PARVB: variants seen among roughly 807,000 people sequenced by gnomAD.
The protein encoded by PARVB is beta-parvin.
PARVB carries 46 observed loss-of-function variants against 47.0 expected under a neutral mutation model. That is an observed-to-expected ratio of 0.98 (90% CI 0.77 to 1.25). The LOEUF (loss-of-function observed/expected upper bound fraction) is 1.25, where lower values mean the gene tolerates loss of function less well. Ranked by LOEUF, PARVB falls within the 50% of genes most tolerant of loss-of-function variation. The probability of loss-of-function intolerance (pLI) is 0.00; values close to 1 mark genes in which losing one functional copy is unlikely to be tolerated. For missense variants in PARVB, 473 were observed against 471.6 expected (o/e 1.00, Z -0.03); for synonymous variants, 196 against 196.3 (o/e 1.00, Z 0.01).
intron 1 of PARVB, among the ~76,000 whole-genome samples, chr22:44,093,292 G>A (rs955215249): frequency 5.9e-5 from 9 of 152,190 alleles, no homozygotes; most frequent in Non-Finnish European, 1.0e-4. Flanking sequence ...ATCACTGGGC[G>A]TTCCAGATCC....
At chr22:44,071,943 C>T (rs1404275663) in intron 1 of PARVB, among the ~76,000 whole-genome samples, 3 of 152,236 alleles carry the variant, frequency 2.0e-5, no homozygotes, top group Non-Finnish European at 1.5e-5. Context: ...GCGGCCTCTT[C>T]TGCGTCTCTG....
chr22:44,104,283 C>G (rs915092002), intron 3 of PARVB: 1 of 152,204 alleles, frequency 6.6e-6, no homozygotes, highest in Non-Finnish European at 1.5e-5. Context: ...TCAAAGCAGG[C>G]TGGCAGACAT....
intron 1 of PARVB, among the ~76,000 whole-genome samples, chr22:44,090,778 C>T (rs975790488): frequency 3.9e-5 from 6 of 152,230 alleles, no homozygotes; most frequent in African/African-American, 1.2e-4. Context: ...CTGTGCTGGA[C>T]GGGACCTCCC....
intron 1 of PARVB, chr22:44,039,718 A>C (rs1427752254): frequency 2.6e-6 from 1 of 384,454 alleles, no homozygotes; most frequent in Non-Finnish European, 5.3e-6. Flanking sequence ...AGTGTCAAGG[A>C]ACAAGGTGCC....
intron 1 of PARVB, among the ~76,000 whole-genome samples, chr22:44,050,490 C>G (rs567811914): frequency 6.8e-4 from 104 of 152,186 alleles, no homozygotes; most frequent in African/African-American, 2.2e-3. Flanking sequence ...ATTACAGGTG[C>G]CTGCCACCAT....
At chr22:44,157,405 T>A (rs1017116782) in intron 10 of PARVB, among the ~76,000 whole-genome samples, 5 of 152,222 alleles carry the variant, frequency 3.3e-5, no homozygotes, top group Admixed American at 2.0e-4. Flanking sequence ...GCCAGGCAGC[T>A]GCACTCAGCT....
chr22:44,002,001 A>G (rs1169808571), intron 2 of PARVB, among the ~76,000 whole-genome samples: 1 of 88,756 alleles, frequency 1.1e-5, no homozygotes, highest in African/African-American at 6.3e-5. Flanking sequence ...CGAAACTGGC[A>G]TTTGTGTTTC....
intron 1 of PARVB, 47 bp from the exon 2 acceptor site, chr22:44,093,881 G>A (rs768033921): frequency 1.6e-6 from 2 of 1,238,116 alleles, no homozygotes; most frequent in Non-Finnish European, 2.3e-6. Flanking sequence ...TGAGGCCACG[G>A]CACTCCGTGT....
chr22:44,128,703 A>T (rs1366713593), intron 4 of PARVB, among the ~76,000 whole-genome samples: 1 of 152,192 alleles, frequency 6.6e-6, no homozygotes, highest in Non-Finnish European at 1.5e-5. Flanking sequence ...ACTAGGAGAG[A>T]TGGGTAGCCT....
At chr22:44,147,432 C>T (rs1428732738) in intron 8 of PARVB, 4 of 347,858 alleles carry the variant, frequency 1.1e-5, no homozygotes, top group Admixed American at 3.8e-5. Flanking sequence ...GGCAGTGAGG[C>T]GTGAGCAGGA....
At position 44,171,303 on chromosome 22, in the gene PARVB, C is replaced by T. The variant is rs1183485986; in HGVS notation, c.*2625C>T. ...TTGGGGTCAGAAGTTCGAGACCAGC[C>T]TGGCCAACATGGTGAAACCCCATGT... On this transcript the variant is annotated 3_prime_UTR_variant, in exon 13 of 13. Coordinates refer to ENST00000338758, the MANE Select transcript of PARVB (RefSeq NM_013327.5). The T allele has an allele frequency of 6.6e-6, 1 of 152,150 alleles. No individual in the cohort carries two copies. Among genetic ancestry groups the T allele is most frequent in the East Asian group, 1.9e-4 (1 of 5,182 alleles). 9.4% of individuals were successfully genotyped at this position (152,150 alleles called of 1,614,324 possible).
At chr22:44,063,855 T>C (rs1411863312) in intron 1 of PARVB, among the ~76,000 whole-genome samples, 1 of 152,142 alleles carries the variant, frequency 6.6e-6, no homozygotes, top group African/African-American at 2.4e-5. Flanking sequence ...CCAGCTCGGA[T>C]TCCCAGTTCT....
intron 1 of PARVB, among the ~76,000 whole-genome samples, chr22:44,043,120 A>T (rs1249034971): frequency 6.6e-6 from 1 of 152,218 alleles, no homozygotes; most frequent in Non-Finnish European, 1.5e-5. Flanking sequence ...GTGAATCTGG[A>T]AAACAGGCTC....
chr22:44,133,274 T>C (rs1335510161), intron 6 of PARVB, among the ~76,000 whole-genome samples: 1 of 152,166 alleles, frequency 6.6e-6, no homozygotes, highest in Non-Finnish European at 1.5e-5. Context: ...AACATTCATT[T>C]CTCTCCAAAG....
intron 1 of PARVB, among the ~76,000 whole-genome samples, chr22:44,077,844 C>T (rs1487311440): frequency 6.6e-6 from 1 of 152,014 alleles, no homozygotes; most frequent in Non-Finnish European, 1.5e-5. Context: ...ATTACAGGCA[C>T]CTACCATGAC....
intron 1 of PARVB, chr22:44,081,640 G>A (rs2051902896): frequency 1.0e-6 from 1 of 984,104 alleles, no homozygotes; most frequent in Admixed American, 6.2e-5. Flanking sequence ...TTCTCTAAGA[G>A]CCTGGCAGTC....
chr22:44,031,460 C>G (rs1213688181), intron 1 of PARVB: 1 of 152,136 alleles, frequency 6.6e-6, no homozygotes, highest in African/African-American at 2.4e-5. Flanking sequence ...GTTTTGTTTT[C>G]TTGAAGGCCT....
intron 1 of PARVB, among the ~76,000 whole-genome samples, chr22:44,067,432 G>A (rs2051560036): frequency 6.6e-6 from 1 of 152,222 alleles, no homozygotes; most frequent in Admixed American, 6.5e-5. Context: ...CCTCCCCCAA[G>A]GGGCTGACCA....
intron 1 of PARVB, among the ~76,000 whole-genome samples, chr22:44,053,704 T>G (rs1171114389): frequency 2.0e-5 from 3 of 152,218 alleles, no homozygotes; most frequent in African/African-American, 7.2e-5. Context: ...CTCTGAACAG[T>G]GGCTGTAAGT....
Sources: allele counts gnomAD v4.1 joint callset (sites outside exome capture counted in the v4.1 genomes callset), GRCh38; gene constraint gnomAD v4.1.1; transcripts MANE v1.5; gene names NCBI Gene and HGNC (gene_info 2026-07-23, HGNC 2026-07-21).